Variants in FUT8 observed in about 807,000 individuals in gnomAD.
FUT8 encodes the protein alpha-(1,6)-fucosyltransferase.
In FUT8, 29 loss-of-function variants were observed where a neutral mutation model predicts 71.3. The observed-to-expected ratio is 0.41, with a 90% CI of 0.30 to 0.55. FUT8 has a LOEUF of 0.55. Among genes scored for constraint, FUT8 ranks in the 20% least tolerant of loss-of-function variants. The pLI is 0.34. For synonymous variants in FUT8, 254 were observed against 239.3 expected (o/e 1.06, Z -0.57); for missense variants, 544 against 702.1 (o/e 0.77, Z 2.55).
At chr14:65,512,907 CAAAAAAAAAA>C (rs35280167) in intron 2 of FUT8, among the ~76,000 whole-genome samples, 1 of 83,980 alleles carries the variant, frequency 1.2e-5, no homozygotes, top group African/African-American at 3.9e-5. Flanking sequence ...GACTCTGTCT[CAAAAAAAAAA>C]AAAAAAAAGA....
At chr14:65,457,279 C>CT (rs1566759281) in intron 2 of FUT8, among the ~76,000 whole-genome samples, 1 of 152,046 alleles carries the variant, frequency 6.6e-6, no homozygotes, top group South Asian at 2.1e-4. Flanking sequence ...GGTTGCATTT[C>CT]TTTTTTAAAA....
At chr14:65,412,646 A>G (rs1029531012), upstream of FUT8, 4 of 223,632 alleles carry the variant, frequency 1.8e-5, no homozygotes, top group Non-Finnish European at 3.6e-5. Flanking sequence ...TCCCTGGCAC[A>G]TGCCAGGGTC....
In FUT8 at chr14:65,624,761, C is replaced by T. The variant is rs555947580; in HGVS notation, c.483-4731C>T. 2.0e-5 allele frequency among the ~76,000 whole-genome samples: 3 copies of T among 152,332 alleles called. No homozygotes were observed. The South Asian group carries it at 6.2e-4, about 32-fold the overall frequency. ...TGGTTATTCCATTGTATGACATCTC[C>T]AGCACGATACTGTTATTTAAAACTG... On this transcript the variant is annotated intron_variant, in intron 5 of 10. Transcript: ENST00000673929.
At chr14:65,589,761 C>T (rs1411597181) in intron 3 of FUT8, among the ~76,000 whole-genome samples, 1 of 152,138 alleles carries the variant, frequency 6.6e-6, no homozygotes, top group Non-Finnish European at 1.5e-5. Context: ...AATGTTTTGA[C>T]TCAGACTGGT....
chr14:65,676,158 T>C (rs1034638849), intron 7 of FUT8, among the ~76,000 whole-genome samples: 1 of 152,226 alleles, frequency 6.6e-6, no homozygotes, highest in Admixed American at 6.5e-5. Flanking sequence ...ATGAATCTTT[T>C]AAGCAATTTA....
intron 7 of FUT8, among the ~76,000 whole-genome samples, chr14:65,705,256 A>G (rs1414304169): frequency 6.6e-6 from 1 of 152,208 alleles, no homozygotes; most frequent in East Asian, 1.9e-4. Context: ...GCTGAAAAAC[A>G]ACAGGAAAGT....
intron 1 of FUT8, among the ~76,000 whole-genome samples, chr14:65,454,941 A>G (rs1291378445): frequency 2.0e-5 from 3 of 152,242 alleles, no homozygotes; most frequent in Non-Finnish European, 4.4e-5. Context: ...TGGTGCATGT[A>G]TAAGGCAGCA....
intron 1 of FUT8, among the ~76,000 whole-genome samples, chr14:65,427,064 A>G (rs562914349): frequency 4.0e-4 from 61 of 152,170 alleles, no homozygotes; most frequent in African/African-American, 6.0e-4. Flanking sequence ...GGGTTTCACC[A>G]TGTTAGCCAG....
intron 2 of FUT8, among the ~76,000 whole-genome samples, chr14:65,494,212 G>A (rs1227401378): frequency 3.3e-5 from 5 of 152,084 alleles, no homozygotes; most frequent in Non-Finnish European, 7.4e-5. Context: ...GTTATTTAAC[G>A]TAATGTATTC....
At chr14:65,524,470 T>G (rs949130707) in intron 2 of FUT8, among the ~76,000 whole-genome samples, 8 of 152,208 alleles carry the variant, frequency 5.3e-5, no homozygotes, top group Non-Finnish European at 1.0e-4. Context: ...AAGGAGATTT[T>G]GGGCTGAGAC....
intron 2 of FUT8, among the ~76,000 whole-genome samples, chr14:65,544,175 T>TG (rs1297395140): frequency 6.6e-6 from 1 of 152,150 alleles, no homozygotes; most frequent in Non-Finnish European, 1.5e-5. Flanking sequence ...GGCTGCATGT[T>TG]GGGTAAGAAC....
intron 7 of FUT8, among the ~76,000 whole-genome samples, chr14:65,688,907 G>C (rs865892772): frequency 6.6e-6 from 1 of 152,184 alleles, no homozygotes; most frequent in Non-Finnish European, 1.5e-5. Flanking sequence ...ATCGTGGAGA[G>C]AGAAAATTCT....
intron 2 of FUT8, among the ~76,000 whole-genome samples, chr14:65,545,377 T>C (rs1373390735): frequency 1.3e-5 from 2 of 151,984 alleles, no homozygotes; most frequent in Non-Finnish European, 2.9e-5. Flanking sequence ...AAAATGTTTG[T>C]ACATTATAAT....
chr14:65,495,174 G>A (rs547673260), intron 2 of FUT8, among the ~76,000 whole-genome samples: 1 of 94,794 alleles, frequency 1.1e-5, no homozygotes, highest in Non-Finnish European at 2.3e-5. Flanking sequence ...ACTGAAGTTT[G>A]CTTTTCCCTT....
chr14:65,546,458 C>T (rs771887084), intron 2 of FUT8, among the ~76,000 whole-genome samples: 3 of 151,624 alleles, frequency 2.0e-5, no homozygotes, highest in African/African-American at 7.3e-5. Context: ...TTTTGTCAGG[C>T]ATGTTTTTGA....
chr14:65,673,885 C>A (rs1892589859), intron 7 of FUT8, among the ~76,000 whole-genome samples: 1 of 152,022 alleles, frequency 6.6e-6, no homozygotes, highest in Non-Finnish European at 1.5e-5. Context: ...ACTGTTTATT[C>A]AAATATCTCA....
chr14:65,577,024 T>G (rs942634986), intron 3 of FUT8, among the ~76,000 whole-genome samples: 1 of 151,932 alleles, frequency 6.6e-6, no homozygotes, highest in Non-Finnish European at 1.5e-5. Flanking sequence ...AATTAAATTT[T>G]TTTTTTGTAG....
At position 65,446,522 on chromosome 14, in the gene FUT8, G is replaced by A. The variant is rs187540913; in HGVS notation, c.-325-9099G>A. Among the ~76,000 whole-genome samples, 9 of 152,158 alleles carry A rather than the reference G, an allele frequency of 5.9e-5. No individual in the cohort carries two copies. The East Asian group carries it at 1.7e-3, about 29-fold the overall frequency. ...TTATTTCTTTTTAATTTATTACTTA[G>A]CATACTTCCATAGAATATTTTCTTC... is the stretch of plus-strand genomic sequence containing the variant. On this transcript the variant is annotated intron_variant, in intron 1 of 10. Coordinates refer to ENST00000673929, the MANE Select transcript of FUT8 (RefSeq NM_001371533.1).
At chr14:65,546,227 A>G (rs988599900) in intron 2 of FUT8, among the ~76,000 whole-genome samples, 3 of 151,820 alleles carry the variant, frequency 2.0e-5, no homozygotes, top group Non-Finnish European at 4.4e-5. Flanking sequence ...GCTGGCAAGT[A>G]CTAGTCTGAT....
Sources: allele counts gnomAD v4.1 joint callset (sites outside exome capture counted in the v4.1 genomes callset), GRCh38; gene constraint gnomAD v4.1.1; transcripts MANE v1.5; gene names NCBI Gene and HGNC (gene_info 2026-07-23, HGNC 2026-07-21).